The following TNIK variants were observed in gnomAD, a reference collection of about 807,000 sequenced individuals.
TNIK encodes TRAF2 and NCK interacting kinase, also known as TRAF2 and NCK-interacting protein kinase.
A neutral mutation model predicts 191.3 loss-of-function variants in TNIK; 49 were observed. That is an observed-to-expected ratio of 0.26 (90% CI 0.20 to 0.32). The LOEUF is 0.32. Among genes scored for constraint, TNIK ranks in the 10% least tolerant of loss-of-function variants. The pLI is 1.00. For missense variants in TNIK, 1,155 were observed against 1,702.3 expected (o/e 0.68, Z 5.66); for synonymous variants, 594 against 600.9 (o/e 0.99, Z 0.17).
chr3:171,120,771 T>C (rs1265590704), intron 18 of TNIK, among the ~76,000 whole-genome samples: 1 of 152,150 alleles, frequency 6.6e-6, no homozygotes, highest in Non-Finnish European at 1.5e-5. Flanking sequence ...GTCTTAAAAT[T>C]GTGGTCCCTA....
intron 29 of TNIK, 77 bp downstream of exon 29, chr3:171,071,146 A>T: frequency 9.1e-7 from 1 of 1,099,446 alleles, no homozygotes; most frequent in Non-Finnish European, 1.3e-6. Context: ...GTATTGGTCT[A>T]TATGGACTAT....
intron 2 of TNIK, among the ~76,000 whole-genome samples, chr3:171,364,510 A>G (rs2108478311): frequency 6.6e-6 from 1 of 152,358 alleles, no homozygotes; most frequent in African/African-American, 2.4e-5. Flanking sequence ...AGGAAAACAT[A>G]GCTCAATTCT....
intron 3 of TNIK, among the ~76,000 whole-genome samples, chr3:171,221,889 T>C (rs940684549): frequency 6.6e-6 from 1 of 152,164 alleles, no homozygotes; most frequent in African/African-American, 2.4e-5. Context: ...GATCAGGCTG[T>C]CATCAAAATA....
chr3:171,460,256 A>G lies in TNIK; in HGVS notation c.-193T>C. The G allele has an allele frequency of 1.5e-6, 1 of 681,410 alleles. No homozygotes were observed. 42.2% of individuals were successfully genotyped at this position (681,410 alleles called of 1,614,324 possible). Reference sequence around the variant, plus strand: ...CGCGCGTCGGTCCGCCGGGTCCGGGAGCCCAGCCTGCGCGGATCTCCAAGC... The same window carrying G: ...CGCGCGTCGGTCCGCCGGGTCCGGGGGCCCAGCCTGCGCGGATCTCCAAGC... On this transcript the variant is annotated 5_prime_UTR_variant, in exon 1 of 33. Coordinates refer to ENST00000436636, the MANE Select transcript of TNIK (RefSeq NM_015028.4). The surrounding 1 kb of genome is among the most constrained non-coding windows in gnomAD (Gnocchi z 6.8).
At chr3:171,384,185 G>A (rs1321655426) in intron 1 of TNIK, among the ~76,000 whole-genome samples, 2 of 152,120 alleles carry the variant, frequency 1.3e-5, no homozygotes, top group African/African-American at 4.8e-5. Context: ...CACTCCATTA[G>A]AGTAAATTCC....
At chr3:171,151,678 G>A (rs938699792) in intron 12 of TNIK, among the ~76,000 whole-genome samples, 1 of 152,200 alleles carries the variant, frequency 6.6e-6, no homozygotes, top group Non-Finnish European at 1.5e-5. Context: ...ACCCCTGGCA[G>A]TCTTAGGCTC....
chr3:171,245,711 C>T (rs1328082129), intron 2 of TNIK, among the ~76,000 whole-genome samples: 1 of 152,178 alleles, frequency 6.6e-6, no homozygotes, highest in Non-Finnish European at 1.5e-5. Context: ...TAGATCATCT[C>T]ATTTGCTTCT....
intron 1 of TNIK, among the ~76,000 whole-genome samples, chr3:171,406,761 G>A (rs1721747850): frequency 2.0e-5 from 3 of 152,214 alleles, no homozygotes; most frequent in Admixed American, 2.0e-4. Context: ...AGACTTTCTA[G>A]TAAAGAGCCC....
chr3:171,454,800 C>T (rs1444249343), intron 1 of TNIK, among the ~76,000 whole-genome samples: 2 of 152,074 alleles, frequency 1.3e-5, no homozygotes, highest in African/African-American at 4.8e-5. Flanking sequence ...AATAATGTTT[C>T]GAGATTTCTT....
intron 22 of TNIK, among the ~76,000 whole-genome samples, chr3:171,095,929 G>A (rs1034539085): frequency 6.6e-6 from 1 of 152,042 alleles, no homozygotes; most frequent in Non-Finnish European, 1.5e-5. Context: ...TGAATTCCTG[G>A]CATTTTGATA....
chr3:171,185,247 A>G (rs1345184898), intron 7 of TNIK, among the ~76,000 whole-genome samples: 1 of 150,316 alleles, frequency 6.7e-6, no homozygotes, highest in African/African-American at 2.4e-5. Flanking sequence ...ATAAGACTAC[A>G]TTATGTGTAC....
At chr3:171,156,255 T>G (rs1378875433) in intron 12 of TNIK, among the ~76,000 whole-genome samples, 4 of 152,206 alleles carry the variant, frequency 2.6e-5, no homozygotes, top group Non-Finnish European at 4.4e-5. Flanking sequence ...ATACTGATAT[T>G]TGAAGGACAT....
chr3:171,246,813 C>G (rs1198545299), intron 2 of TNIK, among the ~76,000 whole-genome samples: 1 of 152,178 alleles, frequency 6.6e-6, no homozygotes, highest in Non-Finnish European at 1.5e-5. Flanking sequence ...AGGCTGGCCG[C>G]TTGAGAAGTT....
intron 8 of TNIK, among the ~76,000 whole-genome samples, chr3:171,176,534 G>C (rs1332574312): frequency 1.3e-5 from 2 of 152,166 alleles, no homozygotes; most frequent in East Asian, 1.9e-4. Flanking sequence ...GAAGGAGAGA[G>C]GGAGAAAAGG....
Position 171,366,187 on chromosome 3 carries a change from A to G in TNIK, c.123+3433T>C, listed in dbSNP as rs1715704918. On this transcript the variant is annotated intron_variant, in intron 2 of 32. Transcript: ENST00000436636. This position sits in a 1 kb window ranked among gnomAD's most constrained non-coding sequence, Gnocchi z 4.1. ...TATTTTTTAATGCAGCCATGAACAG[A>G]AGGAGATGGTTTCCTCATTAAAAGT... Among the ~76,000 whole-genome samples, 1 of 152,174 alleles carries G rather than the reference A, an allele frequency of 6.6e-6. No homozygotes were observed. The highest frequency in any genetic ancestry group is 6.5e-5 in the Admixed American group (1 of 15,268).
intron 1 of TNIK, among the ~76,000 whole-genome samples, chr3:171,401,457 T>C (rs1577792185): frequency 1.3e-5 from 2 of 151,988 alleles, no homozygotes; most frequent in South Asian, 2.1e-4. Context: ...AGGGTGATGA[T>C]GGTAGGAAAT....
chr3:171,416,832 CTCTCTT>C (rs1553773643), intron 1 of TNIK, among the ~76,000 whole-genome samples: 1 of 152,184 alleles, frequency 6.6e-6, no homozygotes, highest in Non-Finnish European at 1.5e-5. Flanking sequence ...CTATTATTCT[CTCTCTT>C]TCTTTCTCTT....
intron 1 of TNIK, among the ~76,000 whole-genome samples, chr3:171,405,343 G>A (rs1018468672): frequency 6.6e-6 from 1 of 152,000 alleles, no homozygotes; most frequent in African/African-American, 2.4e-5. Flanking sequence ...TTGATCAACT[G>A]GTAAAAATGA....
chr3:171,090,223 G>C (rs1429508208), intron 23 of TNIK, among the ~76,000 whole-genome samples: 3 of 152,076 alleles, frequency 2.0e-5, no homozygotes, highest in Non-Finnish European at 4.4e-5. Flanking sequence ...GGTAAGGAGA[G>C]ACAGGCAGCA....
Sources: gnomAD v4.1 joint callset for allele counts (sites outside exome capture counted in the v4.1 genomes callset) on GRCh38, gnomAD v4.1.1 for gene constraint, Gnocchi (gnomAD v3.1) non-coding constraint, MANE v1.5 for transcripts, NCBI Gene and HGNC (gene_info 2026-07-23, HGNC 2026-07-21) for gene names.